Variants in SP140 observed in about 807,000 individuals in gnomAD.
SP140 encodes the protein nuclear body protein SP140.
SP140 carries 81 observed loss-of-function variants against 125.0 expected under a neutral mutation model. The ratio of observed to expected loss-of-function variants is 0.65; its 90% CI spans 0.54 to 0.78. The LOEUF is 0.78. SP140 is among the 30% of genes least tolerant of loss of function. The probability of loss-of-function intolerance (pLI) is 0.00; values close to 1 mark genes in which losing one functional copy is unlikely to be tolerated. For missense variants in SP140, 858 were observed against 1,037.0 expected (o/e 0.83, Z 2.37); for synonymous variants, 312 against 354.0 (o/e 0.88, Z 1.33).
At chr2:230,251,930 A>G (rs1209160634) in intron 10 of SP140, among the ~76,000 whole-genome samples, 1 of 152,100 alleles carries the variant, frequency 6.6e-6, no homozygotes, top group Non-Finnish European at 1.5e-5. Context: ...TGCGGAGACC[A>G]GTGTCCTGGA....
upstream of SP140, chr2:230,225,651 G>A: frequency 3.1e-6 from 2 of 646,342 alleles, no homozygotes; most frequent in Non-Finnish European, 5.7e-6. Context: ...CTCCTCCCTT[G>A]ACTGAGAGAC....
chr2:230,298,125 C>CAGT lies in SP140; in HGVS notation c.2058+665_2058+667dup, dbSNP rs1173006076. Among the ~76,000 whole-genome samples, 5 of 152,186 alleles carry CAGT rather than the reference C, an allele frequency of 3.3e-5. No individual in the cohort carries two copies. In the East Asian group the frequency reaches 9.6e-4, roughly 29 times the overall value. On this transcript the variant is annotated intron_variant, in intron 22 of 26. Coordinates refer to ENST00000392045, the MANE Select transcript of SP140 (RefSeq NM_007237.5). ...TTAACTCAACTGCTTATCTGGTGCT[C>CAGT]AGTACTATGCAAACTTTCTGATGCC... is the stretch of plus-strand genomic sequence containing the variant.
Position 230,211,593 on chromosome 2 carries a change from C to G in SP140, c.-322-2061C>G, listed in dbSNP as rs2044484272. On this transcript the variant is annotated intron_variant, in intron 1 of 4. Coordinates refer to the SP140 transcript ENST00000456542. The surrounding 1 kb of genome is among the most constrained non-coding windows in gnomAD (Gnocchi z 4.2). ...AAAAAGTTTTAGATCTCAGGAACAG[C>G]AAGCAGGGACCAGAATGAGGAGAAA... 8.6e-7 allele frequency: 1 copy of G among 1,169,098 alleles called. No homozygotes were observed. Among genetic ancestry groups the G allele is most frequent in the Non-Finnish European group, 1.3e-6 (1 of 773,742 alleles). 72.4% of individuals were successfully genotyped at this position (1,169,098 alleles called of 1,614,324 possible). A position where few individuals can be genotyped will look rare whatever the true frequency, so the allele number is the denominator to read the frequency against.
chr2:230,232,113 C>G (rs922092388), intron 1 of SP140, among the ~76,000 whole-genome samples: 1 of 152,184 alleles, frequency 6.6e-6, no homozygotes, highest in Non-Finnish European at 1.5e-5. Context: ...GAGAGCAGGC[C>G]CTTGTCATGG....
chr2:230,230,687 T>C (rs887420170), intron 1 of SP140, among the ~76,000 whole-genome samples: 6 of 152,244 alleles, frequency 3.9e-5, no homozygotes, highest in Non-Finnish European at 8.8e-5. Flanking sequence ...CCTCTCACTG[T>C]CATGATTTTT....
rs144258836 is a variant in SP140, at chr2:230,293,219, T to C, written c.1968+431T>C. On this transcript the variant is annotated intron_variant, in intron 20 of 26. Transcript: ENST00000392045. The stretch of plus-strand genomic sequence containing the variant: ...TGTGCAATTAGGTATAATTTAACAA[T>C]TGGGGCAGGTTGTGCAGGGCTTTAA... Among the ~76,000 whole-genome samples, 108 of 152,348 alleles carry C rather than the reference T, an allele frequency of 7.1e-4. No individual in the cohort carries two copies. The East Asian group carries it at 0.02, about 28-fold the overall frequency.
At position 230,206,595 on chromosome 2, in the gene SP140, TTATATATATATATA is replaced by T. The variant is rs56817002; in HGVS notation, c.-323+3346_-323+3359del. Among the ~76,000 whole-genome samples the T allele has an allele frequency of 8.6e-3, 604 of 70,520 alleles. 21 individuals carry two copies. Among genetic ancestry groups the T allele is most frequent in the Middle Eastern group, 0.03 (4 of 134 alleles). 46.3% of individuals were successfully genotyped at this position (70,520 alleles called of 152,430 possible). Reference sequence around the variant, plus strand: ...TATTATATATTATCTGGTCCAGATTTTATATATATATATATATATATATATATATATATATATAT... The same window carrying T: ...TATTATATATTATCTGGTCCAGATTTTATATATATATATATATATATATAT... On this transcript the variant is annotated intron_variant, in intron 1 of 4. Coordinates refer to the SP140 transcript ENST00000456542.
intron 10 of SP140, 29 bp from the exon 11 acceptor site, chr2:230,253,287 T>C (rs2050660133): frequency 2.0e-6 from 3 of 1,504,440 alleles, no homozygotes; most frequent in East Asian, 2.3e-5. Flanking sequence ...CTGAGGTCTG[T>C]GTCCAAGTCA....
chr2:230,211,433 C>A lies in SP140; in HGVS notation c.-322-2221C>A. On this transcript the variant is annotated intron_variant, in intron 1 of 4. Coordinates refer to the SP140 transcript ENST00000456542. This position sits in a 1 kb window ranked among gnomAD's most constrained non-coding sequence, Gnocchi z 4.2. ...CTTTTCCTCTTAGTAAACACAGAAACAAAGGCAAGCTTTTAGGTTGACCAA... is the reference window on the plus strand; with the variant it reads ...CTTTTCCTCTTAGTAAACACAGAAAAAAAGGCAAGCTTTTAGGTTGACCAA... The A allele has an allele frequency of 7.6e-7, 1 of 1,320,076 alleles. No homozygotes were observed. The highest frequency in any genetic ancestry group is 1.1e-6 in the Non-Finnish European group (1 of 911,770). The allele number at this position is 1,320,076 out of a possible 1,614,324, so 81.8% of individuals were successfully genotyped here.
At chr2:230,220,617 G>C (rs529389291) in intron 3 of SP140, among the ~76,000 whole-genome samples, 1 of 152,296 alleles carries the variant, frequency 6.6e-6, no homozygotes, top group Admixed American at 6.5e-5. Context: ...GCTGATTCCA[G>C]AGAGCAGTAA....
intron 20 of SP140, among the ~76,000 whole-genome samples, chr2:230,294,018 G>A (rs917026551): frequency 2.6e-5 from 4 of 152,122 alleles, no homozygotes; most frequent in African/African-American, 9.7e-5. Context: ...GATTGTGAAG[G>A]AAAACCTCTT....
At chr2:230,190,651 T>C in the SP140 span, among the ~76,000 whole-genome samples, 1 of 143,284 alleles carries the variant, frequency 7.0e-6, no homozygotes, top group Non-Finnish European at 1.5e-5. Flanking sequence ...TCTTGAATGA[T>C]ATTGCTTCAG....
intron 4 of SP140, among the ~76,000 whole-genome samples, chr2:230,243,311 G>A (rs1436782958): frequency 6.6e-6 from 1 of 152,152 alleles, no homozygotes; most frequent in Admixed American, 6.5e-5. Flanking sequence ...AAGCTAGAAA[G>A]GCACAATTGG....
At chr2:230,284,953 T>C (rs781730991) in intron 16 of SP140, among the ~76,000 whole-genome samples, 2 of 152,198 alleles carry the variant, frequency 1.3e-5, no homozygotes, top group African/African-American at 2.4e-5. Context: ...GTGATGTTTA[T>C]ATATTTTTAT....
intron 15 of SP140, among the ~76,000 whole-genome samples, chr2:230,279,839 C>G (rs2055264842): frequency 6.6e-6 from 1 of 150,746 alleles, no homozygotes; most frequent in Non-Finnish European, 1.5e-5. Context: ...TCCAGGATGA[C>G]CTTAAACTCC....
chr2:230,211,189 C>A lies in SP140; in HGVS notation c.-322-2465C>A, dbSNP rs189320768. On this transcript the variant is annotated intron_variant, in intron 1 of 4. Coordinates refer to the SP140 transcript ENST00000456542. The surrounding 1 kb of genome is among the most constrained non-coding windows in gnomAD (Gnocchi z 4.2). ...CGCTTTGTGGCATTTGGAGTCCAAACCTACAGGCACTGGTGGGGCTCTGTC... is the reference window on the plus strand; with the variant it reads ...CGCTTTGTGGCATTTGGAGTCCAAAACTACAGGCACTGGTGGGGCTCTGTC... Among the ~76,000 whole-genome samples, 1 of 152,312 alleles carries A rather than the reference C, an allele frequency of 6.6e-6. No individual in the cohort carries two copies. Among genetic ancestry groups the A allele is most frequent in the African/African-American group, 2.4e-5 (1 of 41,572 alleles).
rs201594901 is a variant in SP140, at chr2:230,255,543, G to A, written c.1240+11G>A. 6.2e-6 allele frequency: 10 copies of A among 1,605,290 alleles called. No individual in the cohort carries two copies. The highest frequency in any genetic ancestry group is 1.4e-5 in the African/African-American group (1 of 73,426). ...CAAGACGTGGGTCAGGTAAGGACGG[G>A]GGGGGGGATTTCTGGCCCTGGGCTG... On this transcript the variant is annotated intron_variant, in intron 12 of 26. Transcript: ENST00000392045.
At chr2:230,197,792 A>G in the SP140 span, among the ~76,000 whole-genome samples, 1,632 of 152,222 alleles carry the variant, frequency 0.011, 20 homozygotes, top group African/African-American at 0.037. Flanking sequence ...ACCATTTATT[A>G]AATAGGGAAT....
chr2:230,229,404 T>C (rs2149040847), intron 1 of SP140, among the ~76,000 whole-genome samples: 1 of 151,780 alleles, frequency 6.6e-6, no homozygotes, highest in South Asian at 2.1e-4. Context: ...TCTTTCTCTA[T>C]GTAAATCTGA....
Sources: allele counts gnomAD v4.1 joint callset (sites outside exome capture counted in the v4.1 genomes callset), GRCh38; gene constraint gnomAD v4.1.1; non-coding constraint Gnocchi (gnomAD v3.1); transcripts MANE v1.5; gene names NCBI Gene and HGNC (gene_info 2026-07-23, HGNC 2026-07-21).